The following HHIP variants were observed in gnomAD, a reference collection of about 807,000 sequenced individuals.
HHIP encodes hedgehog-interacting protein.
HHIP carries 12 observed loss-of-function variants against 74.0 expected under a neutral mutation model. The ratio of observed to expected loss-of-function variants is 0.16; its 90% CI spans 0.10 to 0.26. The LOEUF (loss-of-function observed/expected upper bound fraction) is 0.26. Ranked by LOEUF, HHIP falls within the 10% of genes least tolerant of loss-of-function variation. The probability of loss-of-function intolerance (pLI) is 1.00; values close to 1 mark genes in which losing one functional copy is unlikely to be tolerated. For synonymous variants in HHIP, 309 were observed against 311.6 expected, an observed-to-expected ratio of 0.99 and a Z score of 0.09; for missense variants, 788 against 845.0, an observed-to-expected ratio of 0.93 and a Z score of 0.84.
At chr4:144,714,468 A>G in intron 9 of HHIP, 120 bp downstream of exon 9, 1 of 925,936 alleles carries the variant, frequency 1.1e-6, no homozygotes, top group Non-Finnish European at 1.7e-6. Context: ...TGGGGAATAC[A>G]CATAAATATT....
chr4:144,669,295 G>A (rs145048171), intron 4 of HHIP, among the ~76,000 whole-genome samples: 51 of 152,126 alleles, frequency 3.4e-4, no homozygotes, highest in African/African-American at 1.1e-3. Context: ...ATTTTATAAC[G>A]TGTTATCATG....
rs1386939542 is a variant in HHIP, at chr4:144,740,852, C to T, written c.*2895C>T. The stretch of plus-strand genomic sequence containing the variant: ...AAAGAAAAATGTATATTATTATTCC[C>T]TTGTCCATTCTCAAGTTTAAGCTGC... On this transcript the variant is annotated 3_prime_UTR_variant, in exon 13 of 13. Transcript: ENST00000296575. The T allele has an allele frequency of 6.6e-6, 1 of 152,118 alleles. No homozygotes were observed. The highest frequency in any genetic ancestry group is 1.5e-5 in the Non-Finnish European group (1 of 68,028). 9.4% of individuals were successfully genotyped at this position (152,118 alleles called of 1,614,324 possible).
chr4:144,735,004 C>T, intron 12 of HHIP, 115 bp downstream of exon 12: 1 of 980,970 alleles, frequency 1.0e-6, no homozygotes, highest in Non-Finnish European at 1.4e-6. Flanking sequence ...AAGTATTTAG[C>T]CATTTACAAT....
chr4:144,660,154 T>G (rs928296439), intron 4 of HHIP: 1 of 394,954 alleles, frequency 2.5e-6, no homozygotes. Flanking sequence ...AACACAGGAC[T>G]GTACATCAGC....
chr4:144,658,706 T>C (rs1407843451), intron 2 of HHIP, 84 bp from the exon 3 acceptor site: 10 of 1,174,894 alleles, frequency 8.5e-6, no homozygotes, highest in Non-Finnish European at 1.2e-5. Context: ...CCCAAAATTC[T>C]TTTCCTCATC....
rs566191624 is a variant in HHIP at position 144,684,530 on chromosome 4, C to T, written c.832-22001C>T. The stretch of plus-strand genomic sequence containing the variant: ...TCCCGACCTCGTGATCCGCCCGCCT[C>T]GGCCTCCCAAAGTGCTGAGATTACA... On this transcript the variant is annotated intron_variant, in intron 4 of 12. Coordinates refer to ENST00000296575, the MANE Select transcript of HHIP (RefSeq NM_022475.3). 9.0e-4 allele frequency among the ~76,000 whole-genome samples: 136 copies of T among 151,952 alleles called. 1 individual carries two copies. The Middle Eastern group carries it at 0.02, about 23-fold the overall frequency.
chr4:144,739,542 T>C lies in HHIP; in HGVS notation c.*1585T>C, dbSNP rs183639319. ...TTGTTTTAAGGTGAGAGATTTGCAA[T>C]TAAAGCCCAGTAAGCATTTATATAG... On this transcript the variant is annotated 3_prime_UTR_variant, in exon 13 of 13. Coordinates refer to ENST00000296575, the MANE Select transcript of HHIP (RefSeq NM_022475.3). The C allele has an allele frequency of 1.3e-5, 2 of 152,202 alleles. No homozygotes were observed. Among genetic ancestry groups the C allele is most frequent in the African/African-American group, 4.8e-5 (2 of 41,460 alleles). The allele number at this position is 152,202 out of a possible 1,614,324, so 9.4% of individuals were successfully genotyped here. A position where few individuals can be genotyped will look rare whatever the true frequency, so the allele number is the denominator to read the frequency against.
chr4:144,731,380 G>C (rs1438823819), intron 11 of HHIP, among the ~76,000 whole-genome samples: 6 of 152,072 alleles, frequency 3.9e-5, no homozygotes, highest in Admixed American at 1.3e-4. Flanking sequence ...GAGTGTATTT[G>C]AGAAAGTTAC....
At chr4:144,694,716 T>A (rs1487660270) in intron 4 of HHIP, among the ~76,000 whole-genome samples, 1 of 151,632 alleles carries the variant, frequency 6.6e-6, no homozygotes, top group Non-Finnish European at 1.5e-5. Flanking sequence ...GAAAAAAAAA[T>A]TAAAGTAAAA....
chr4:144,692,792 T>C (rs1262420728), intron 4 of HHIP, among the ~76,000 whole-genome samples: 1 of 152,134 alleles, frequency 6.6e-6, no homozygotes, highest in Non-Finnish European at 1.5e-5. Flanking sequence ...TATCTTTCCA[T>C]GCAACAACTC....
At chr4:144,736,040 G>C (rs917268138) in intron 12 of HHIP, among the ~76,000 whole-genome samples, 1 of 151,592 alleles carries the variant, frequency 6.6e-6, no homozygotes. Context: ...CCAAAAATAT[G>C]AGAATCAGTA....
rs3215015 is a variant in HHIP, at chr4:144,652,802, GAA to G, written c.472+13_472+14del. 6.5e-6 allele frequency: 10 copies of G among 1,535,038 alleles called. No individual in the cohort carries two copies. The highest frequency in any genetic ancestry group is 6.1e-5 in the South Asian group (5 of 82,472). On this transcript the variant is annotated splice_donor_region_variant and intron_variant, in intron 2 of 12. Transcript: ENST00000296575. ...CTTGCCGAGGCCATATTCCAGGTAA[GAA>G]AAAAAAATGCATAAGTAAAATAAAC...
In HHIP at chr4:144,724,358, G is replaced by A. The variant is rs6825470; in HGVS notation, c.1760+5402G>A. ...GTCTTATTTTTAAAAACCATCATAT[G>A]CTTTTATTCCAAGTGCTGACAGATT... On this transcript the variant is annotated intron_variant, in intron 11 of 12. Transcript: ENST00000296575. Among the ~76,000 whole-genome samples the A allele has an allele frequency of 7.2e-3, 1,099 of 152,092 alleles. 20 individuals are homozygous for A. The highest frequency in any genetic ancestry group is 0.025 in the African/African-American group (1,054 of 41,504).
Position 144,737,779 on chromosome 4 carries a change from C to G in HHIP, c.1925C>G (p.Ala642Gly). Reference sequence around the variant, plus strand: ...TCTCTCCCAGCAAAATGTGAGCCAGCATGTCGTCATGGAGGTGTCTGTGTT... The same window carrying G: ...TCTCTCCCAGCAAAATGTGAGCCAGGATGTCGTCATGGAGGTGTCTGTGTT... ...DFCRTAKCEP[A>G]CRHGGVCVRP... The change falls in exon 13 of 13, where the codon GCA (alanine) becomes GGA (glycine). Residue 642 changes from alanine to glycine, a missense_variant. Coordinates refer to ENST00000296575, the MANE Select transcript of HHIP (RefSeq NM_022475.3). 1.9e-6 allele frequency: 3 copies of G among 1,605,158 alleles called. No individual in the cohort carries two copies. Among genetic ancestry groups the G allele is most frequent in the Non-Finnish European group, 2.6e-6 (3 of 1,175,158 alleles).
intron 4 of HHIP, among the ~76,000 whole-genome samples, chr4:144,670,764 G>GAAAAAAA (rs1167213848): frequency 7.3e-4 from 40 of 54,902 alleles, no homozygotes; most frequent in African/African-American, 1.1e-3. Flanking sequence ...CTTAAGATTT[G>GAAAAAAA]AAAAAAAAAA....
intron 4 of HHIP, among the ~76,000 whole-genome samples, chr4:144,690,027 CA>C (rs1180754384): frequency 6.6e-6 from 1 of 152,158 alleles, no homozygotes; most frequent in Non-Finnish European, 1.5e-5. Flanking sequence ...AGGCTGGTCT[CA>C]AACTCGTGAC....
chr4:144,660,625 C>A, intron 4 of HHIP, among the ~76,000 whole-genome samples: 1 of 151,496 alleles, frequency 6.6e-6, no homozygotes, highest in East Asian at 1.9e-4. Flanking sequence ...GTCTTCTACT[C>A]ACATAGAAAT....
intron 12 of HHIP, 39 bp downstream of exon 12, chr4:144,734,928 G>A (rs1325975073): frequency 6.4e-7 from 1 of 1,562,500 alleles, no homozygotes; most frequent in Non-Finnish European, 8.8e-7. Flanking sequence ...GACTGGGGAT[G>A]AGCCAATCCT....
At chr4:144,701,770 G>GTT (rs1729991084) in intron 4 of HHIP, among the ~76,000 whole-genome samples, 1 of 152,166 alleles carries the variant, frequency 6.6e-6, no homozygotes. Context: ...ATAGGGTCAT[G>GTT]TTGTGGATGA....
Sources: gnomAD v4.1 joint callset for allele counts (sites outside exome capture counted in the v4.1 genomes callset) on GRCh38, gnomAD v4.1.1 for gene constraint, MANE v1.5 for transcripts, NCBI Gene and HGNC (gene_info 2026-07-23, HGNC 2026-07-21) for gene names.